SLC9C1: variants seen among roughly 807,000 people sequenced by gnomAD.
SLC9C1 encodes solute carrier family 9 member C1.
A neutral mutation model predicts 140.9 loss-of-function variants in SLC9C1; 97 were observed. That is an observed-to-expected ratio of 0.69 (90% CI 0.58 to 0.82). The LOEUF is 0.82. SLC9C1 is among the 40% of genes least tolerant of loss of function. SLC9C1 has a pLI of 0.00. For synonymous variants in SLC9C1, 440 were observed against 442.6 expected, an observed-to-expected ratio of 0.99 and a Z score of 0.07; for missense variants, 1,340 against 1,389.3, an observed-to-expected ratio of 0.96 and a Z score of 0.56.
At chr3:112,221,724 A>G (rs949943300) in intron 13 of SLC9C1, among the ~76,000 whole-genome samples, 1 of 152,058 alleles carries the variant, frequency 6.6e-6, no homozygotes, top group African/African-American at 2.4e-5. Flanking sequence ...ATAATTTATA[A>G]GGAGTATTAT....
At position 112,168,923 on chromosome 3, in the gene SLC9C1, C is replaced by T. The variant is rs377402243; in HGVS notation, c.3191G>A (p.Arg1064Gln). 7.3e-5 allele frequency: 117 copies of T among 1,600,962 alleles called. No homozygotes were observed. The highest frequency in any genetic ancestry group is 4.9e-4 in the East Asian group (22 of 44,798). The change falls in exon 25 of 29, where the codon CGA becomes CAA. Residue 1064 changes from arginine (R) to glutamine (Q), a missense_variant. Physicochemically the swap from Arg to Gln is conservative, Grantham distance 43. Coordinates refer to ENST00000305815, the MANE Select transcript of SLC9C1 (RefSeq NM_183061.3). The stretch of plus-strand genomic sequence containing the variant: ...TAAGAAAGGTGCTCTATAAGTTTTT[C>T]GTAACAGACAATCTTCTACAGCTCC... ...IHGAVEDCLL[R>Q]KTYRAPFLIP...
At chr3:112,276,670 TTAGAC>T (rs2080223342) in intron 5 of SLC9C1, among the ~76,000 whole-genome samples, 1 of 151,038 alleles carries the variant, frequency 6.6e-6, no homozygotes, top group Admixed American at 6.6e-5. Context: ...AATAACAAAG[TTAGAC>T]AAGAGTGAAA....
At chr3:112,165,688 G>T (rs145061477) in intron 26 of SLC9C1, among the ~76,000 whole-genome samples, 3 of 152,210 alleles carry the variant, frequency 2.0e-5, no homozygotes, top group Admixed American at 6.5e-5. Context: ...CTACTGGGGG[G>T]TGCCTCCCAG....
chr3:112,213,577 C>T (rs2078268985), intron 15 of SLC9C1, among the ~76,000 whole-genome samples: 1 of 152,138 alleles, frequency 6.6e-6, no homozygotes, highest in Non-Finnish European at 1.5e-5. Flanking sequence ...ATAAAACAGA[C>T]TTTAAACCAA....
chr3:112,276,727 G>C (rs1454449980), intron 5 of SLC9C1, among the ~76,000 whole-genome samples: 1 of 152,032 alleles, frequency 6.6e-6, no homozygotes, highest in Non-Finnish European at 1.5e-5. Flanking sequence ...ATATAGCGGA[G>C]AAAAGGGCTG....
At chr3:112,151,728 G>T (rs1209632359) in intron 28 of SLC9C1, 129 bp downstream of exon 28, 3 of 714,892 alleles carry the variant, frequency 4.2e-6, no homozygotes, top group Non-Finnish European at 5.0e-6. Flanking sequence ...GTAATTAGAA[G>T]AATCATCTGA....
intron 23 of SLC9C1, among the ~76,000 whole-genome samples, chr3:112,175,397 C>T (rs774793198): frequency 1.3e-4 from 20 of 152,258 alleles, no homozygotes; most frequent in Admixed American, 6.5e-4. Context: ...AGAACCCGGT[C>T]AGGAGGTCCC....
intron 26 of SLC9C1, among the ~76,000 whole-genome samples, chr3:112,163,966 T>C (rs1455774250): frequency 2.0e-5 from 3 of 152,202 alleles, no homozygotes; most frequent in African/African-American, 7.2e-5. Flanking sequence ...TTGTGTTGGG[T>C]GCATATATAT....
intron 16 of SLC9C1, among the ~76,000 whole-genome samples, chr3:112,204,706 A>G (rs1282526393): frequency 6.6e-6 from 1 of 152,116 alleles, no homozygotes; most frequent in Non-Finnish European, 1.5e-5. Flanking sequence ...ACAAAAATGT[A>G]GTACGCCAGG....
In SLC9C1 at chr3:112,266,424, G is replaced by A. The variant is rs148661061; in HGVS notation, c.776-84C>T. 14 of 1,037,086 alleles carry A rather than the reference G, an allele frequency of 1.3e-5. No homozygotes were observed. In the African/African-American group the frequency reaches 2.3e-4, roughly 17 times the overall value. The allele number at this position is 1,037,086 out of a possible 1,614,324, so 64.2% of individuals were successfully genotyped here. A position where few individuals can be genotyped will look rare whatever the true frequency, so the allele number is the denominator to read the frequency against. On this transcript the variant is annotated intron_variant, in intron 7 of 28. Coordinates refer to ENST00000305815, the MANE Select transcript of SLC9C1 (RefSeq NM_183061.3). ...TTTACCCGAGTTAAAAGTATCAGAT[G>A]TTGTGACAGTACCATGACTTTTATA... is the stretch of plus-strand genomic sequence containing the variant.
intron 15 of SLC9C1, among the ~76,000 whole-genome samples, chr3:112,211,726 A>G (rs951704431): frequency 1.3e-5 from 2 of 152,216 alleles, no homozygotes; most frequent in Non-Finnish European, 2.9e-5. Context: ...AGCTGGGTGG[A>G]GCCCACTGCA....
chr3:112,180,500 G>T (rs1205452074), intron 22 of SLC9C1, 64 bp downstream of exon 22: 3 of 1,354,774 alleles, frequency 2.2e-6, no homozygotes, highest in Non-Finnish European at 1.0e-6. Context: ...TCCAGCTTGG[G>T]CAACAAGAGA....
chr3:112,204,492 T>G (rs939339254), intron 16 of SLC9C1, 89 bp from the exon 17 acceptor site: 41 of 1,367,046 alleles, frequency 3.0e-5, no homozygotes, highest in Non-Finnish European at 3.9e-5. Flanking sequence ...CATGTTAGGC[T>G]TTTCTCTTAT....
rs550702770 is a variant in SLC9C1, at chr3:112,252,154, CT to C, written c.1198-8079del. Among the ~76,000 whole-genome samples, 244 of 152,276 alleles carry C rather than the reference CT, an allele frequency of 1.6e-3. 1 individual carries two copies. The highest frequency in any genetic ancestry group is 5.6e-3 in the African/African-American group (232 of 41,544). ...TGGGAGGGATGGGCCACCATCTTTG[CT>C]GTTACACAGCCTTAGCCATTGTTGC... On this transcript the variant is annotated intron_variant, in intron 10 of 28. Transcript: ENST00000305815.
At chr3:112,196,704 T>G (rs1038344921) in intron 20 of SLC9C1, among the ~76,000 whole-genome samples, 3 of 152,174 alleles carry the variant, frequency 2.0e-5, no homozygotes, top group Non-Finnish European at 4.4e-5. Context: ...TTGTACTTAA[T>G]TGTACTTTTT....
rs184818478 is a variant in SLC9C1 at position 112,161,969 on chromosome 3, G to T, written c.3364+5252C>A. On this transcript the variant is annotated intron_variant, in intron 26 of 28. Transcript: ENST00000305815. ...CTTGAGCAGTGGTTTGTAGTTCTCC[G>T]TGAAGAGGTCCTTCACGTCCCTTGT... Among the ~76,000 whole-genome samples, 847 of 151,918 alleles carry T rather than the reference G, an allele frequency of 5.6e-3. 13 individuals carry two copies. Among genetic ancestry groups the T allele is most frequent in the Admixed American group, 0.026 (402 of 15,222 alleles).
intron 1 of SLC9C1, among the ~76,000 whole-genome samples, chr3:112,290,534 T>C (rs1190129899): frequency 1.3e-5 from 2 of 152,138 alleles, no homozygotes; most frequent in Non-Finnish European, 2.9e-5. Flanking sequence ...TACTCTTTTG[T>C]TTTTGGGTGA....
chr3:112,146,354 G>C (rs1259889632), intron 28 of SLC9C1, among the ~76,000 whole-genome samples: 1 of 152,024 alleles, frequency 6.6e-6, no homozygotes, highest in Non-Finnish European at 1.5e-5. Flanking sequence ...TCTTCTGCTA[G>C]CTTTGTAGCT....
chr3:112,215,585 T>C, intron 15 of SLC9C1, among the ~76,000 whole-genome samples: 1 of 151,980 alleles, frequency 6.6e-6, no homozygotes, highest in Non-Finnish European at 1.5e-5. Flanking sequence ...AGCCAAATCA[T>C]GAGTGAACTC....
Sources: gnomAD v4.1 joint callset for allele counts (sites outside exome capture counted in the v4.1 genomes callset) on GRCh38, gnomAD v4.1.1 for gene constraint, MANE v1.5 for transcripts, NCBI Gene and HGNC (gene_info 2026-07-23, HGNC 2026-07-21) for gene names.